The following PDE10A variants were observed in gnomAD, a reference collection of about 807,000 sequenced individuals.
PDE10A encodes cAMP and cAMP-inhibited cGMP 3',5'-cyclic phosphodiesterase 10A.
A neutral mutation model predicts 97.7 loss-of-function variants in PDE10A; 39 were observed. The ratio of observed to expected loss-of-function variants is 0.40; its 90% CI spans 0.31 to 0.52. PDE10A has a LOEUF of 0.52. PDE10A is among the 20% of genes least tolerant of loss of function. The pLI is 0.56. For synonymous variants in PDE10A, 371 were observed against 376.8 expected, an observed-to-expected ratio of 0.98 and a Z score of 0.18; for missense variants, 731 against 1,047.8, an observed-to-expected ratio of 0.70 and a Z score of 4.17.
At chr6:165,778,760 T>C (rs1332879819) in intron 1 of PDE10A, among the ~76,000 whole-genome samples, 1 of 152,222 alleles carries the variant, frequency 6.6e-6, no homozygotes, top group East Asian at 1.9e-4. Context: ...TTTAAGGAGG[T>C]TGAGCATCTT....
At chr6:165,670,155 T>C (rs1185037279) in intron 1 of PDE10A, among the ~76,000 whole-genome samples, 1 of 152,150 alleles carries the variant, frequency 6.6e-6, no homozygotes, top group African/African-American at 2.4e-5. Context: ...TTCCAGTGGG[T>C]AAATAATGTG....
chr6:165,392,628 TAA>T lies in PDE10A; in HGVS notation c.2454+16_2454+17del, dbSNP rs769286731. 4 of 1,608,010 alleles carry T rather than the reference TAA, an allele frequency of 2.5e-6. No individual in the cohort carries two copies. Among genetic ancestry groups the T allele is most frequent in the Non-Finnish European group, 3.4e-6 (4 of 1,174,968 alleles). On this transcript the variant is annotated intron_variant, in intron 16 of 21. Coordinates refer to ENST00000539869, the MANE Select transcript of PDE10A (RefSeq NM_001385079.1). ...CCACTGAGGTTACGAGAAACAGAGG[TAA>T]AGAGTGCACACCCACCTCAAGGTCT...
chr6:165,823,501 T>TGAACCTTA (rs1779634291), intron 1 of PDE10A, among the ~76,000 whole-genome samples: 4 of 96,726 alleles, frequency 4.1e-5, no homozygotes, highest in Non-Finnish European at 6.9e-5. Flanking sequence ...TATATATATA[T>TGAACCTTA]ATATATATAT....
intron 1 of PDE10A, among the ~76,000 whole-genome samples, chr6:165,855,821 G>T (rs986948795): frequency 6.6e-6 from 1 of 152,114 alleles, no homozygotes; most frequent in South Asian, 2.1e-4. Flanking sequence ...CGGCTGGTCA[G>T]GTCCAATGGG....
rs139733232 is a variant in PDE10A, at chr6:165,433,060, T to C, written c.1405A>G (p.Ile469Val). 71 of 1,613,316 alleles carry C rather than the reference T, an allele frequency of 4.4e-5. No individual in the cohort carries two copies. Among genetic ancestry groups the C allele is most frequent in the Non-Finnish European group, 4.0e-5 (47 of 1,179,472 alleles). The change falls in exon 7 of 22, where the codon ATT becomes GTT. Residue 469 changes from isoleucine (I) to valine (V), a missense_variant. Transcript: ENST00000539869. Reference protein sequence around the residue: ...TRIQSVLCLPIVTAIGDLIGI... With the variant: ...TRIQSVLCLPVVTAIGDLIGI... ...ATCAAGTCACCAATTGCAGTGACAA[T>C]TGGTAAGCAAAGAACAGACTGGATA...
chr6:165,809,522 C>G (rs1441222145), intron 1 of PDE10A, among the ~76,000 whole-genome samples: 1 of 152,148 alleles, frequency 6.6e-6, no homozygotes, highest in Non-Finnish European at 1.5e-5. Context: ...TTGGTGACCC[C>G]CATACCCACA....
chr6:165,912,301 TC>T (rs1782485798), intron 1 of PDE10A, among the ~76,000 whole-genome samples: 1 of 152,130 alleles, frequency 6.6e-6, no homozygotes, highest in African/African-American at 2.4e-5. Context: ...TGGTTATGGT[TC>T]ACATTTGTGA....
At chr6:165,959,278 T>C (rs573510036) in intron 1 of PDE10A, among the ~76,000 whole-genome samples, 1 of 152,280 alleles carries the variant, frequency 6.6e-6, no homozygotes, top group East Asian at 1.9e-4. Flanking sequence ...AAGAGGCGAT[T>C]TCCTCTTTGA....
chr6:165,701,728 T>A (rs564779232), intron 1 of PDE10A, among the ~76,000 whole-genome samples: 95 of 151,520 alleles, frequency 6.3e-4, no homozygotes, highest in Admixed American at 1.8e-3. Flanking sequence ...TTTGCGCGTG[T>A]GTGCATGTGT....
intron 1 of PDE10A, among the ~76,000 whole-genome samples, chr6:165,863,010 A>G (rs2128477091): frequency 6.6e-6 from 1 of 152,340 alleles, no homozygotes; most frequent in East Asian, 1.9e-4. Flanking sequence ...TTGATTTACA[A>G]TTCTTGAATT....
intron 20 of PDE10A, among the ~76,000 whole-genome samples, chr6:165,337,248 A>T (rs1583060978): frequency 6.6e-6 from 1 of 152,332 alleles, no homozygotes; most frequent in Non-Finnish European, 1.5e-5. Context: ...TATCAGCCAG[A>T]TAACACAGCT....
At chr6:165,793,140 C>G (rs1360326674) in intron 1 of PDE10A, among the ~76,000 whole-genome samples, 1 of 152,124 alleles carries the variant, frequency 6.6e-6, no homozygotes, top group African/African-American at 2.4e-5. Flanking sequence ...AGCATTGAAA[C>G]TGGGCTTTAT....
intron 1 of PDE10A, among the ~76,000 whole-genome samples, chr6:165,888,045 C>T (rs143194646): frequency 5.6e-4 from 85 of 152,198 alleles, no homozygotes; most frequent in African/African-American, 2.0e-3. Context: ...TGGGGATGCT[C>T]GCTCCTTAAG....
intron 1 of PDE10A, among the ~76,000 whole-genome samples, chr6:165,970,678 C>T (rs543344314): frequency 6.6e-6 from 1 of 152,096 alleles, no homozygotes; most frequent in Non-Finnish European, 1.5e-5. Flanking sequence ...TGAAACAGTA[C>T]CGAATTAAAC....
chr6:165,401,371 C>T (rs1228659845), intron 13 of PDE10A, among the ~76,000 whole-genome samples: 1 of 152,128 alleles, frequency 6.6e-6, no homozygotes, highest in Non-Finnish European at 1.5e-5. Flanking sequence ...GTGTTAATGT[C>T]ACTGGCAACT....
In PDE10A at chr6:165,605,167, C is replaced by T. The variant is rs111316891; in HGVS notation, c.865+56780G>A. ...AAGCCTTCATCATCTCTCTCTACAG[C>T]GGTCCACCAGTTGGCTTCCTTCCTT... On this transcript the variant is annotated intron_variant, in intron 1 of 21. Transcript: ENST00000539869. Among the ~76,000 whole-genome samples, 184 of 152,278 alleles carry T rather than the reference C, an allele frequency of 1.2e-3. 1 individual carries two copies. The highest frequency in any genetic ancestry group is 4.2e-3 in the African/African-American group (176 of 41,544).
At chr6:165,599,824 C>T (rs1786830897) in intron 1 of PDE10A, among the ~76,000 whole-genome samples, 1 of 152,144 alleles carries the variant, frequency 6.6e-6, no homozygotes, top group East Asian at 1.9e-4. Flanking sequence ...TCCTCCACAG[C>T]CTTCCTCCCC....
At chr6:165,851,931 A>C (rs571871777) in intron 1 of PDE10A, among the ~76,000 whole-genome samples, 1 of 152,354 alleles carries the variant, frequency 6.6e-6, no homozygotes, top group Admixed American at 6.5e-5. Flanking sequence ...TCTCTAAAAA[A>C]TTAAAGCTAT....
At chr6:165,840,007 C>CAACTCAATTCCCATCTTT (rs1562762862) in intron 1 of PDE10A, among the ~76,000 whole-genome samples, 607 of 3,806 alleles carry the variant, frequency 0.16, 7 homozygotes, top group Middle Eastern at 0.22. Context: ...ATCCCATCTC[C>CAACTCAATTCCCATCTTT]ATCCTCATCT....
Sources: gnomAD v4.1 joint callset for allele counts (sites outside exome capture counted in the v4.1 genomes callset) on GRCh38, gnomAD v4.1.1 for gene constraint, MANE v1.5 for transcripts, NCBI Gene and HGNC (gene_info 2026-07-23, HGNC 2026-07-21) for gene names.